The following INPP5A variants were observed in gnomAD, a reference collection of about 807,000 sequenced individuals.
INPP5A encodes 43 kDa inositol polyphosphate 5-phophatase.
Under a neutral mutation model 65.2 loss-of-function variants are expected in INPP5A, and 14 were observed. The observed-to-expected ratio is 0.21, with a 90% CI of 0.14 to 0.34. The LOEUF is 0.34. Ranked by LOEUF, INPP5A falls within the 10% of genes least tolerant of loss-of-function variation. The pLI is 1.00. For missense variants in INPP5A, 431 were observed against 545.6 expected (o/e 0.79, Z 2.09); for synonymous variants, 207 against 208.3 (o/e 0.99, Z 0.05).
intron 9 of INPP5A, among the ~76,000 whole-genome samples, chr10:132,728,449 C>A (rs1846024029): frequency 6.6e-6 from 1 of 152,252 alleles, no homozygotes; most frequent in Non-Finnish European, 1.5e-5. Flanking sequence ...GACCCGGGAG[C>A]AAGGCCTGGG....
intron 8 of INPP5A, among the ~76,000 whole-genome samples, chr10:132,726,563 C>G (rs1420893485): frequency 6.6e-6 from 1 of 152,228 alleles, no homozygotes; most frequent in Admixed American, 6.5e-5. Context: ...TGAGACTCTG[C>G]CTTTCCTCTT....
chr10:132,576,255 C>T (rs1403276088), intron 1 of INPP5A, among the ~76,000 whole-genome samples: 1 of 152,212 alleles, frequency 6.6e-6, no homozygotes, highest in African/African-American at 2.4e-5. Context: ...GCCCCTCCTG[C>T]CCCCAGGACA....
At chr10:132,772,414 G>T (rs112435821) in intron 12 of INPP5A, among the ~76,000 whole-genome samples, 1 of 26,882 alleles carries the variant, frequency 3.7e-5, no homozygotes, top group African/African-American at 1.8e-4. Flanking sequence ...CACCCCACGA[G>T]GAGTGGGACA....
chr10:132,701,435 A>G (rs1411577005), intron 6 of INPP5A, among the ~76,000 whole-genome samples: 1 of 152,226 alleles, frequency 6.6e-6, no homozygotes, highest in Non-Finnish European at 1.5e-5. Context: ...GTTCCCGCAC[A>G]CAGCCTGGGA....
chr10:132,687,691 T>C (rs1196050658), intron 4 of INPP5A, among the ~76,000 whole-genome samples: 1 of 152,176 alleles, frequency 6.6e-6, no homozygotes, highest in South Asian at 2.1e-4. Flanking sequence ...ACCCTGCAGC[T>C]TTGGGTTCTC....
chr10:132,765,929 C>A, intron 12 of INPP5A, 83 bp downstream of exon 12: 1 of 813,254 alleles, frequency 1.2e-6, no homozygotes, highest in South Asian at 1.4e-5. Context: ...ATCTGCGTGT[C>A]TGTGTGTGCC....
intron 4 of INPP5A, among the ~76,000 whole-genome samples, chr10:132,658,378 G>A (rs1253851341): frequency 6.6e-6 from 1 of 152,172 alleles, no homozygotes; most frequent in Non-Finnish European, 1.5e-5. Context: ...TTGATGGATT[G>A]ATGTTTGACT....
chr10:132,715,805 C>A (rs1170062886), intron 8 of INPP5A, among the ~76,000 whole-genome samples: 1 of 152,222 alleles, frequency 6.6e-6, no homozygotes, highest in Non-Finnish European at 1.5e-5. Context: ...TCTTGCTGGT[C>A]GTGGGCTCGT....
chr10:132,675,505 G>A lies in INPP5A; in HGVS notation c.307-14887G>A, dbSNP rs1451539656. Among the ~76,000 whole-genome samples, 1 of 152,236 alleles carries A rather than the reference G, an allele frequency of 6.6e-6. No homozygotes were observed. Among genetic ancestry groups the A allele is most frequent in the Non-Finnish European group, 1.5e-5 (1 of 68,040 alleles). ...TGTGTAAACCGAGGCACCTCCTGCAGTGTAAAACACGGAGAGAAGTGCGGT... is the reference window on the plus strand; with the variant it reads ...TGTGTAAACCGAGGCACCTCCTGCAATGTAAAACACGGAGAGAAGTGCGGT... On this transcript the variant is annotated intron_variant, in intron 4 of 15. Coordinates refer to ENST00000368594, the MANE Select transcript of INPP5A (RefSeq NM_005539.5). This position sits in a 1 kb window ranked among gnomAD's most constrained non-coding sequence, Gnocchi z 4.2.
chr10:132,684,722 C>T (rs550985814), intron 4 of INPP5A, among the ~76,000 whole-genome samples: 80 of 152,352 alleles, frequency 5.3e-4, no homozygotes, highest in Non-Finnish European at 2.5e-4. Flanking sequence ...CTAATGAGGA[C>T]GGAACGTCAG....
chr10:132,715,314 A>C (rs1256873219), intron 8 of INPP5A, among the ~76,000 whole-genome samples: 1 of 152,204 alleles, frequency 6.6e-6, no homozygotes, highest in Non-Finnish European at 1.5e-5. Context: ...ATCTCGGCAT[A>C]AAGCACCCCT....
chr10:132,699,184 C>T (rs1234806916), intron 6 of INPP5A, among the ~76,000 whole-genome samples: 3 of 152,074 alleles, frequency 2.0e-5, no homozygotes, highest in South Asian at 2.1e-4. Context: ...GCAGGCCCAT[C>T]GGAAGGGCAG....
intron 8 of INPP5A, among the ~76,000 whole-genome samples, chr10:132,713,684 C>T (rs1240069770): frequency 6.6e-6 from 1 of 152,194 alleles, no homozygotes; most frequent in Non-Finnish European, 1.5e-5. Flanking sequence ...CTGGGTGCTG[C>T]TGTGCTCGTG....
At chr10:132,594,139 A>C (rs938184068) in intron 1 of INPP5A, among the ~76,000 whole-genome samples, 1 of 152,198 alleles carries the variant, frequency 6.6e-6, no homozygotes. Flanking sequence ...CGCTGTCTTC[A>C]TCCTGTTTAT....
At chr10:132,625,905 A>G (rs2072178089) in intron 2 of INPP5A, among the ~76,000 whole-genome samples, 2 of 151,638 alleles carry the variant, frequency 1.3e-5, no homozygotes, top group Admixed American at 6.6e-5. Flanking sequence ...CAGTGTTTGT[A>G]AACTTGAGGT....
At chr10:132,579,505 A>T (rs1229022183) in intron 1 of INPP5A, among the ~76,000 whole-genome samples, 1 of 152,162 alleles carries the variant, frequency 6.6e-6, no homozygotes, top group East Asian at 1.9e-4. Flanking sequence ...GACTCTGGGC[A>T]TCCCAATGGT....
chr10:132,692,258 G>C (rs1845280942), intron 5 of INPP5A, among the ~76,000 whole-genome samples: 1 of 152,102 alleles, frequency 6.6e-6, no homozygotes, highest in African/African-American at 2.4e-5. Context: ...GAAGAAATGA[G>C]AATAAATTTG....
In INPP5A at chr10:132,555,886, G is replaced by A. The variant is rs1039122516; in HGVS notation, c.75+17715G>A. Among the ~76,000 whole-genome samples the A allele has an allele frequency of 2.0e-5, 3 of 152,140 alleles. No homozygotes were observed. The highest frequency in any genetic ancestry group is 2.9e-5 in the Non-Finnish European group (2 of 68,032). On this transcript the variant is annotated intron_variant, in intron 1 of 15. Transcript: ENST00000368594. The surrounding 1 kb of genome is among the most constrained non-coding windows in gnomAD (Gnocchi z 4.4). ...TCTGCGTCACAGATGAAAAACACGC[G>A]TTTCCCCTTTTCGTAAGAGGATGAA...
intron 1 of INPP5A, among the ~76,000 whole-genome samples, chr10:132,573,157 G>A (rs543573788): frequency 8.8e-4 from 125 of 141,686 alleles, no homozygotes; most frequent in African/African-American, 3.1e-3. Context: ...TGTGTGTGCC[G>A]TGTGAGGTTT....
Sources: allele counts gnomAD v4.1 joint callset (sites outside exome capture counted in the v4.1 genomes callset), GRCh38; gene constraint gnomAD v4.1.1; non-coding constraint Gnocchi (gnomAD v3.1); transcripts MANE v1.5; gene names NCBI Gene and HGNC (gene_info 2026-07-23, HGNC 2026-07-21).